SCFD1: variants seen among roughly 807,000 people sequenced by gnomAD.
SCFD1 encodes the protein sec1 family domain-containing protein 1.
Under a neutral mutation model 103.2 loss-of-function variants are expected in SCFD1, and 37 were observed. The ratio of observed to expected loss-of-function variants is 0.36; its 90% CI spans 0.28 to 0.47. The LOEUF (loss-of-function observed/expected upper bound fraction) is 0.47. Ranked by LOEUF, SCFD1 falls within the 20% of genes least tolerant of loss-of-function variation. The pLI, the probability that SCFD1 is intolerant of heterozygous loss-of-function variation, is 1.00. For missense variants in SCFD1, 639 were observed against 761.2 expected (o/e 0.84, Z 1.89); for synonymous variants, 264 against 245.0 (o/e 1.08, Z -0.73).
intron 23 of SCFD1, among the ~76,000 whole-genome samples, chr14:30,729,808 TA>T: frequency 6.6e-6 from 1 of 152,248 alleles, no homozygotes; most frequent in East Asian, 1.9e-4. Context: ...TTTATATCTT[TA>T]ATTTCTTTCA....
At chr14:30,673,394 A>T (rs763999363) in intron 12 of SCFD1, 47 bp downstream of exon 12, 3 of 1,006,502 alleles carry the variant, frequency 3.0e-6, no homozygotes, top group Non-Finnish European at 4.4e-6. Context: ...GAGGAGGATT[A>T]TCTGTTAGAT....
At chr14:30,720,716 T>C (rs1416959060) in intron 21 of SCFD1, among the ~76,000 whole-genome samples, 1 of 152,148 alleles carries the variant, frequency 6.6e-6, no homozygotes, top group Non-Finnish European at 1.5e-5. Flanking sequence ...ATAAGTAATC[T>C]AGAGATTATT....
chr14:30,647,425 C>T (rs548857385), intron 7 of SCFD1, among the ~76,000 whole-genome samples: 2 of 151,658 alleles, frequency 1.3e-5, no homozygotes, highest in South Asian at 4.2e-4. Context: ...CAGTAATTTT[C>T]CTGTTTTCTG....
chr14:30,629,577 ATTTTT>A (rs571309645), intron 2 of SCFD1, among the ~76,000 whole-genome samples: 2 of 135,556 alleles, frequency 1.5e-5, no homozygotes, highest in Non-Finnish European at 3.2e-5. Context: ...TAGGGACTTA[ATTTTT>A]TTTTTTTTTT....
intron 10 of SCFD1, among the ~76,000 whole-genome samples, chr14:30,658,545 A>G (rs963431343): frequency 6.6e-6 from 1 of 152,080 alleles, no homozygotes; most frequent in Non-Finnish European, 1.5e-5. Flanking sequence ...GGCATGTGCA[A>G]CCATGCCCGG....
At position 30,735,759 on chromosome 14, in the gene SCFD1, CTTAATATGTATTGA is replaced by C. The variant is rs1440872099; in HGVS notation, c.*155_*168del. On this transcript the variant is annotated 3_prime_UTR_variant, in exon 25 of 25. Coordinates refer to ENST00000458591, the MANE Select transcript of SCFD1 (RefSeq NM_016106.4). Reference sequence around the variant, plus strand: ...TGTTAATTTTTAAGGAAATTATATACTTAATATGTATTGATTAAAAGAAACATTTCAGAAATAAA... The same window carrying C: ...TGTTAATTTTTAAGGAAATTATATACTTAAAAGAAACATTTCAGAAATAAA... The C allele has an allele frequency of 2.4e-5, 13 of 544,576 alleles. No homozygotes were observed. The highest frequency in any genetic ancestry group is 4.2e-5 in the Non-Finnish European group (13 of 307,932). 33.7% of individuals were successfully genotyped at this position (544,576 alleles called of 1,614,324 possible). A position where few individuals can be genotyped will look rare whatever the true frequency, so the allele number is the denominator to read the frequency against.
At chr14:30,726,103 T>G (rs1893025590) in intron 23 of SCFD1, among the ~76,000 whole-genome samples, 1 of 152,206 alleles carries the variant, frequency 6.6e-6, no homozygotes, top group African/African-American at 2.4e-5. Context: ...TTGTCATCAT[T>G]CTTCTTTTGG....
intron 1 of SCFD1, among the ~76,000 whole-genome samples, chr14:30,627,036 T>C (rs981496605): frequency 3.9e-5 from 6 of 152,226 alleles, no homozygotes; most frequent in African/African-American, 1.4e-4. Context: ...ATGCAAATGT[T>C]TTTAACAATC....
intron 24 of SCFD1, among the ~76,000 whole-genome samples, 197 bp from the exon 25 acceptor site, chr14:30,735,389 G>T (rs1200623528): frequency 2.0e-5 from 3 of 152,148 alleles, no homozygotes; most frequent in Non-Finnish European, 4.4e-5. Context: ...AAATAGCTAG[G>T]ATTACAGGCA....
intron 1 of SCFD1, among the ~76,000 whole-genome samples, chr14:30,625,238 A>G (rs199510019): frequency 6.8e-6 from 1 of 147,010 alleles, no homozygotes; most frequent in Non-Finnish European, 1.5e-5. Context: ...AATAGTGTGT[A>G]TGTAAGTAAT....
At chr14:30,723,894 T>C (rs1156322202) in intron 23 of SCFD1, among the ~76,000 whole-genome samples, 1 of 152,264 alleles carries the variant, frequency 6.6e-6, no homozygotes, top group East Asian at 1.9e-4. Flanking sequence ...GAATGATTTA[T>C]ATTATTTGGG....
intron 12 of SCFD1, 70 bp downstream of exon 12, chr14:30,673,417 G>GT (rs1296578881): frequency 1.0e-5 from 8 of 787,350 alleles, no homozygotes; most frequent in East Asian, 8.4e-5. Flanking sequence ...AGAGATTTGG[G>GT]TTTTTTTCCT....
chr14:30,650,729 A>G (rs866580817), intron 9 of SCFD1, 79 bp downstream of exon 9: 2 of 795,960 alleles, frequency 2.5e-6, no homozygotes, highest in African/African-American at 3.5e-5. Context: ...GGCTGATAGA[A>G]TATCCTTGTA....
intron 10 of SCFD1, among the ~76,000 whole-genome samples, chr14:30,661,841 T>A (rs1887481877): frequency 6.6e-6 from 1 of 152,178 alleles, no homozygotes; most frequent in African/African-American, 2.4e-5. Flanking sequence ...AATAAATTTT[T>A]CACATAATGC....
At chr14:30,690,777 C>G (rs188849117) in intron 14 of SCFD1, among the ~76,000 whole-genome samples, 664 of 152,210 alleles carry the variant, frequency 4.4e-3, no homozygotes, top group Non-Finnish European at 7.5e-3. Flanking sequence ...TCTTCTGCGT[C>G]GCTCACGCTG....
intron 20 of SCFD1, among the ~76,000 whole-genome samples, chr14:30,718,608 G>A (rs1434326234): frequency 6.6e-6 from 1 of 152,208 alleles, no homozygotes; most frequent in Non-Finnish European, 1.5e-5. Context: ...TACTAAGTTA[G>A]ACCTGATAAA....
chr14:30,644,004 A>C, intron 7 of SCFD1: 1 of 456,548 alleles, frequency 2.2e-6, no homozygotes. Flanking sequence ...TTTGACCCTC[A>C]TCCTCTATGC....
At chr14:30,728,368 T>A (rs965659054) in intron 23 of SCFD1, among the ~76,000 whole-genome samples, 11 of 152,204 alleles carry the variant, frequency 7.2e-5, no homozygotes, top group African/African-American at 2.7e-4. Flanking sequence ...TGCAGTAAAG[T>A]GAGTTTCTTT....
At chr14:30,718,123 G>T (rs931812731) in intron 20 of SCFD1, among the ~76,000 whole-genome samples, 1 of 152,110 alleles carries the variant, frequency 6.6e-6, no homozygotes, top group Non-Finnish European at 1.5e-5. Context: ...TCCCTTCATG[G>T]AATCCCAGAA....
Sources: allele counts gnomAD v4.1 joint callset (sites outside exome capture counted in the v4.1 genomes callset), GRCh38; gene constraint gnomAD v4.1.1; transcripts MANE v1.5; gene names NCBI Gene and HGNC (gene_info 2026-07-23, HGNC 2026-07-21).